Variants in CLNK observed in about 807,000 individuals in gnomAD.
CLNK encodes the protein cytokine-dependent hematopoietic cell linker.
In CLNK, 74 loss-of-function variants were observed where a neutral mutation model predicts 68.6. The observed-to-expected ratio is 1.08, with a 90% confidence interval of 0.89 to 1.31. CLNK has a LOEUF of 1.31. Ranked by LOEUF, CLNK falls within the 50% of genes most tolerant of loss-of-function variation. The pLI is 0.00. For missense variants in CLNK, 553 were observed against 515.3 expected (o/e 1.07, Z -0.71); for synonymous variants, 198 against 172.2 (o/e 1.15, Z -1.17).
chr4:10,580,101 A>G (rs1195941543), intron 4 of CLNK, among the ~76,000 whole-genome samples: 2 of 152,030 alleles, frequency 1.3e-5, no homozygotes, highest in Non-Finnish European at 1.5e-5. Flanking sequence ...ACATGTGTCC[A>G]TGTTGTTTTA....
chr4:10,519,358 T>G (rs1397221596), intron 15 of CLNK, among the ~76,000 whole-genome samples: 1 of 152,182 alleles, frequency 6.6e-6, no homozygotes, highest in Non-Finnish European at 1.5e-5. Flanking sequence ...GATTTCTCTC[T>G]AAGCTATGAT....
chr4:10,710,266 A>G, the CLNK span, among the ~76,000 whole-genome samples: 2 of 152,146 alleles, frequency 1.3e-5, no homozygotes, highest in African/African-American at 4.8e-5. Context: ...TGAGGCATTA[A>G]GAGTGGTTGG....
At chr4:10,661,536 A>G (rs995264705) in intron 2 of CLNK, among the ~76,000 whole-genome samples, 5 of 152,292 alleles carry the variant, frequency 3.3e-5, no homozygotes, top group African/African-American at 1.2e-4. Context: ...GCAATATGGA[A>G]TGCTGTTTTA....
At chr4:10,725,875 A>G in the CLNK span, among the ~76,000 whole-genome samples, 1 of 152,140 alleles carries the variant, frequency 6.6e-6, no homozygotes, top group Non-Finnish European at 1.5e-5. Context: ...GAAAAAAGAA[A>G]AAACGTTTAA....
At chr4:10,690,989 G>A in the CLNK span, among the ~76,000 whole-genome samples, 1 of 152,118 alleles carries the variant, frequency 6.6e-6, no homozygotes, top group African/African-American at 2.4e-5. Context: ...AGAGTGTGGG[G>A]TGGGAACTTT....
At chr4:10,493,539 T>C (rs560058702) in intron 18 of CLNK, among the ~76,000 whole-genome samples, 1 of 152,150 alleles carries the variant, frequency 6.6e-6, no homozygotes, top group Non-Finnish European at 1.5e-5. Flanking sequence ...GGCTCCACCT[T>C]CAAGACCAAA....
intron 1 of CLNK, among the ~76,000 whole-genome samples, chr4:10,673,615 C>G (rs1014630691): frequency 3.6e-5 from 5 of 138,972 alleles, no homozygotes; most frequent in African/African-American, 1.4e-4. Context: ...GGTAGTTGAA[C>G]AATGAGAACA....
the CLNK span, among the ~76,000 whole-genome samples, chr4:10,718,189 A>C: frequency 1.3e-5 from 2 of 152,216 alleles, no homozygotes; most frequent in Admixed American, 6.5e-5. Context: ...TGTTGGATCT[A>C]ACATTCATGC....
At chr4:10,491,013 C>A (rs1716548001) in intron 18 of CLNK, among the ~76,000 whole-genome samples, 1 of 152,160 alleles carries the variant, frequency 6.6e-6, no homozygotes, top group Non-Finnish European at 1.5e-5. Flanking sequence ...GATCCACCCG[C>A]CTCGGCATCC....
intron 2 of CLNK, among the ~76,000 whole-genome samples, chr4:10,633,847 G>A (rs1217760331): frequency 6.6e-6 from 1 of 152,172 alleles, no homozygotes; most frequent in African/African-American, 2.4e-5. Flanking sequence ...CCCTATATCA[G>A]CCCTTTGTGG....
the CLNK span, among the ~76,000 whole-genome samples, chr4:10,691,172 G>A: frequency 1.3e-5 from 2 of 152,040 alleles, no homozygotes; most frequent in African/African-American, 4.8e-5. Flanking sequence ...TGCATTAATA[G>A]GTATTGGGAT....
chr4:10,585,470 T>C lies in CLNK; in HGVS notation c.84-515A>G, dbSNP rs138520551. Among the ~76,000 whole-genome samples, 280 of 152,364 alleles carry C rather than the reference T, an allele frequency of 1.8e-3. 1 individual carries two copies. Among genetic ancestry groups the C allele is most frequent in the Admixed American group, 2.5e-3 (38 of 15,306 alleles). On this transcript the variant is annotated intron_variant, in intron 3 of 18. Coordinates refer to ENST00000226951, the MANE Select transcript of CLNK (RefSeq NM_052964.4). Reference sequence around the variant, plus strand: ...CGCCGAGCTGTAACCAATCCAGCTGTTTCTGTACCTCACTTCCATTTTCTA... The same window carrying C: ...CGCCGAGCTGTAACCAATCCAGCTGCTTCTGTACCTCACTTCCATTTTCTA...
intron 8 of CLNK, among the ~76,000 whole-genome samples, chr4:10,550,236 G>A (rs1321049256): frequency 6.6e-6 from 1 of 152,232 alleles, no homozygotes; most frequent in Non-Finnish European, 1.5e-5. Context: ...GCTCAAGCCT[G>A]TAATCCCAGC....
chr4:10,495,659 A>G (rs1716773779), intron 18 of CLNK, among the ~76,000 whole-genome samples: 1 of 152,192 alleles, frequency 6.6e-6, no homozygotes, highest in Non-Finnish European at 1.5e-5. Context: ...TACAGGATAA[A>G]GTTAAGGATC....
intron 2 of CLNK, among the ~76,000 whole-genome samples, chr4:10,611,724 G>A (rs1722034710): frequency 6.6e-6 from 1 of 152,174 alleles, no homozygotes; most frequent in African/African-American, 2.4e-5. Flanking sequence ...ATGATGTGCT[G>A]CTCCTGGGGG....
rs146044329 is a variant in CLNK, at chr4:10,681,290, T to C, written c.-43+3378A>G. Among the ~76,000 whole-genome samples, 298 of 152,308 alleles carry C rather than the reference T, an allele frequency of 2.0e-3. 2 individuals are homozygous for C. In the Middle Eastern group the frequency reaches 0.034, roughly 18 times the overall value. ...CTGACCTCTTGAGCTCCATCAACTC[T>C]GTGTGCCTTGGATACAATTAGCTTT... On this transcript the variant is annotated intron_variant, in intron 1 of 18. Coordinates refer to ENST00000226951, the MANE Select transcript of CLNK (RefSeq NM_052964.4).
chr4:10,638,333 G>A (rs1230255534), intron 2 of CLNK, among the ~76,000 whole-genome samples: 2 of 152,160 alleles, frequency 1.3e-5, no homozygotes, highest in African/African-American at 2.4e-5. Flanking sequence ...AGAGTGAAAG[G>A]GGGCTCTACT....
the CLNK span, among the ~76,000 whole-genome samples, chr4:10,724,515 T>C: frequency 1.9e-3 from 287 of 152,138 alleles, 10 homozygotes; most frequent in East Asian, 0.048. Context: ...ATAATGTAAG[T>C]CCAGTGAGGG....
chr4:10,612,017 G>A (rs2041211), intron 2 of CLNK, among the ~76,000 whole-genome samples: 104,556 of 151,530 alleles, frequency 0.69, 36,993 homozygotes, highest in East Asian at 0.77. Flanking sequence ...AACAGTAAAC[G>A]CTGCATGTCA....
Sources: gnomAD v4.1 joint callset for allele counts (sites outside exome capture counted in the v4.1 genomes callset) on GRCh38, gnomAD v4.1.1 for gene constraint, MANE v1.5 for transcripts, NCBI Gene and HGNC (gene_info 2026-07-23, HGNC 2026-07-21) for gene names.